The following ASIC2 variants were observed in gnomAD, a reference collection of about 807,000 sequenced individuals.
ASIC2 encodes the protein acid sensing ion channel subunit 2.
In ASIC2, 25 loss-of-function variants were observed where a neutral mutation model predicts 57.3. That is an observed-to-expected ratio of 0.44 (90% CI 0.32 to 0.61). ASIC2 has a LOEUF of 0.61. ASIC2 is among the 20% of genes least tolerant of loss of function. The probability of loss-of-function intolerance (pLI) is 0.06; values close to 1 mark genes in which losing one functional copy is unlikely to be tolerated. For synonymous variants in ASIC2, 319 were observed against 307.5 expected (o/e 1.04, Z -0.39); for missense variants, 641 against 738.1 (o/e 0.87, Z 1.52).
intron 1 of ASIC2, among the ~76,000 whole-genome samples, chr17:34,067,779 A>G (rs1909226778): frequency 6.6e-6 from 1 of 152,230 alleles, no homozygotes; most frequent in Non-Finnish European, 1.5e-5. Context: ...ATATGTTTTT[A>G]AATGAAAATC....
rs549040058 is a variant in ASIC2, at chr17:33,829,626, G to A, written c.555+326352C>T. Among the ~76,000 whole-genome samples the A allele has an allele frequency of 5.3e-5, 8 of 151,386 alleles. No individual in the cohort carries two copies. The South Asian group carries it at 1.7e-3, about 32-fold the overall frequency. On this transcript the variant is annotated intron_variant, in intron 1 of 9. Coordinates refer to the ASIC2 transcript ENST00000359872. The stretch of plus-strand genomic sequence containing the variant: ...GAGTCTCACTCTGTCATCCAGGCTG[G>A]AGTGCAGTGGTGCGATCTCAGCTCA...
intron 1 of ASIC2, among the ~76,000 whole-genome samples, chr17:34,017,085 A>G (rs1433573508): frequency 5.9e-5 from 9 of 152,240 alleles, no homozygotes; most frequent in African/African-American, 2.2e-4. Flanking sequence ...GTTTTTTACA[A>G]GTTAAAGGTT....
chr17:33,180,204 C>T (rs1905922961), intron 1 of ASIC2, among the ~76,000 whole-genome samples: 1 of 152,192 alleles, frequency 6.6e-6, no homozygotes. Flanking sequence ...CTATTTACGT[C>T]CACCTTTTAG....
At chr17:33,733,620 T>C (rs1250140337) in intron 1 of ASIC2, among the ~76,000 whole-genome samples, 1 of 152,144 alleles carries the variant, frequency 6.6e-6, no homozygotes, top group East Asian at 1.9e-4. Flanking sequence ...ACATGACTTA[T>C]CTCTCTGAGC....
chr17:33,014,382 G>A (rs1413949271), intron 9 of ASIC2, among the ~76,000 whole-genome samples: 2 of 152,040 alleles, frequency 1.3e-5, no homozygotes, highest in Non-Finnish European at 2.9e-5. Flanking sequence ...GGGCTGGATG[G>A]TCTGAGTCCT....
chr17:33,467,483 A>T (rs1906324593), intron 1 of ASIC2, among the ~76,000 whole-genome samples: 1 of 152,170 alleles, frequency 6.6e-6, no homozygotes, highest in South Asian at 2.1e-4. Flanking sequence ...CTATGATGGG[A>T]AGGAGGAGGT....
At chr17:33,310,701 T>C (rs1340892681) in intron 1 of ASIC2, among the ~76,000 whole-genome samples, 1 of 152,184 alleles carries the variant, frequency 6.6e-6, no homozygotes, top group Non-Finnish European at 1.5e-5. Context: ...AGTACTCATA[T>C]AGAGTCCAAG....
intron 1 of ASIC2, among the ~76,000 whole-genome samples, chr17:33,416,251 G>A (rs61116483): frequency 0.016 from 2,407 of 152,320 alleles, 31 homozygotes; most frequent in African/African-American, 0.038. Context: ...CATGGATTTG[G>A]AAATCTTAAC....
intron 1 of ASIC2, among the ~76,000 whole-genome samples, chr17:33,272,676 T>C (rs1904545916): frequency 6.6e-6 from 1 of 152,180 alleles, no homozygotes; most frequent in African/African-American, 2.4e-5. Flanking sequence ...ACCAACATTG[T>C]CATCACTATC....
At chr17:33,156,084 G>T (rs2142034426) in intron 1 of ASIC2, among the ~76,000 whole-genome samples, 1 of 151,726 alleles carries the variant, frequency 6.6e-6, no homozygotes, top group South Asian at 2.1e-4. Context: ...TCATAACTTG[G>T]TTCTGAATTT....
At position 33,593,548 on chromosome 17, in the gene ASIC2, T is replaced by C. The variant is rs182105446; in HGVS notation, c.556-481481A>G. On this transcript the variant is annotated intron_variant, in intron 1 of 9. Transcript: ENST00000359872. ...AGGTTGCAATCTCAGCTTTGCCTCTTGGTCAGGTTTTCTCTCTGGGCCTTG... is the reference window on the plus strand; with the variant it reads ...AGGTTGCAATCTCAGCTTTGCCTCTCGGTCAGGTTTTCTCTCTGGGCCTTG... 8.0e-4 allele frequency among the ~76,000 whole-genome samples: 122 copies of C among 152,318 alleles called. 2 individuals carry two copies. The East Asian group carries it at 0.021, about 27-fold the overall frequency.
intron 1 of ASIC2, among the ~76,000 whole-genome samples, chr17:33,522,535 C>T (rs531094634): frequency 6.6e-6 from 1 of 152,314 alleles, no homozygotes; most frequent in Admixed American, 6.5e-5. Context: ...CTCTGACCCT[C>T]TGTTTCCTCA....
At chr17:33,521,310 CA>C (rs1370099059) in intron 1 of ASIC2, among the ~76,000 whole-genome samples, 1 of 152,122 alleles carries the variant, frequency 6.6e-6, no homozygotes, top group African/African-American at 2.4e-5. Flanking sequence ...TTTGGCTCTG[CA>C]GGGGGAGGTG....
chr17:34,111,045 G>A (rs1338933669), intron 1 of ASIC2, among the ~76,000 whole-genome samples: 1 of 151,950 alleles, frequency 6.6e-6, no homozygotes, highest in African/African-American at 2.4e-5. Flanking sequence ...CCAACATAGT[G>A]AAACTCTGTC....
chr17:33,847,411 C>T (rs1349466479), intron 1 of ASIC2, among the ~76,000 whole-genome samples: 2 of 152,072 alleles, frequency 1.3e-5, no homozygotes, highest in Non-Finnish European at 2.9e-5. Flanking sequence ...ATCATCAACA[C>T]TTTCTCCTTA....
At chr17:33,260,592 C>T (rs1393416162) in intron 1 of ASIC2, among the ~76,000 whole-genome samples, 4 of 152,212 alleles carry the variant, frequency 2.6e-5, no homozygotes, top group Non-Finnish European at 5.9e-5. Context: ...TGCTGTATTG[C>T]AAGGCAGAAC....
intron 3 of ASIC2, among the ~76,000 whole-genome samples, chr17:33,083,914 G>A (rs1183296526): frequency 1.3e-5 from 2 of 152,122 alleles, no homozygotes; most frequent in African/African-American, 2.4e-5. Flanking sequence ...TGAGGAAGGG[G>A]TACTACCAAG....
intron 1 of ASIC2, among the ~76,000 whole-genome samples, chr17:33,245,361 G>A (rs1398739832): frequency 6.6e-6 from 1 of 152,118 alleles, no homozygotes; most frequent in Non-Finnish European, 1.5e-5. Context: ...CTCATCTTTG[G>A]GTTAAACATC....
At chr17:33,317,898 TG>T in intron 1 of ASIC2, among the ~76,000 whole-genome samples, 2 of 130,622 alleles carry the variant, frequency 1.5e-5, no homozygotes, top group Middle Eastern at 7.2e-3. Context: ...TGTGTGTGTG[TG>T]TGTGTGTGTG....
Sources: gnomAD v4.1 joint callset for allele counts (sites outside exome capture counted in the v4.1 genomes callset) on GRCh38, gnomAD v4.1.1 for gene constraint, MANE v1.5 for transcripts, NCBI Gene and HGNC (gene_info 2026-07-23, HGNC 2026-07-21) for gene names.